EPOP: variants seen among roughly 807,000 people sequenced by gnomAD.
The protein encoded by EPOP is elongin BC and Polycomb repressive complex 2-associated protein.
Under a neutral mutation model 18.2 loss-of-function variants are expected in EPOP, and 14 were observed. That is an observed-to-expected ratio of 0.77 (90% CI 0.51 to 1.20). EPOP has a LOEUF of 1.20. Ranked by LOEUF, EPOP falls within the 50% of genes most tolerant of loss-of-function variation. EPOP has a pLI of 0.00. For missense variants in EPOP, 527 were observed against 577.2 expected (o/e 0.91, Z 0.89); for synonymous variants, 252 against 274.9 (o/e 0.92, Z 0.83).
rs1320031452 is a variant in EPOP at position 38,673,973 on chromosome 17, G to T, written c.523C>A (p.Pro175Thr). The change falls in exon 1 of 1, where the codon CCT becomes ACT. Residue 175 changes from proline to threonine, a missense_variant. By Grantham distance (38) the Pro-to-Thr change is conservative. Transcript: ENST00000621654. ...EPQRGPAASP[P>T]QEPSSRPPSP... ...GGAGGCCGGGAACTGGGTTCCTGAGGCGGGCTGGCGGCTGGGCCACGCTGA... is the reference window on the plus strand; with the variant it reads ...GGAGGCCGGGAACTGGGTTCCTGAGTCGGGCTGGCGGCTGGGCCACGCTGA... The T allele has an allele frequency of 1.1e-5, 15 of 1,398,858 alleles. No individual in the cohort carries two copies. Among genetic ancestry groups the T allele is most frequent in the Non-Finnish European group, 1.4e-5 (15 of 1,087,188 alleles). The allele number at this position is 1,398,858 out of a possible 1,614,324, so 86.7% of individuals were successfully genotyped here.
Position 38,674,036 on chromosome 17 carries a change from C to T in EPOP, c.460G>A (p.Ala154Thr), listed in dbSNP as rs1031633291. The T allele has an allele frequency of 7.2e-7, 1 of 1,385,082 alleles. No individual in the cohort carries two copies. Among genetic ancestry groups the T allele is most frequent in the Non-Finnish European group, 9.3e-7 (1 of 1,079,748 alleles). The allele number at this position is 1,385,082 out of a possible 1,614,324, so 85.8% of individuals were successfully genotyped here. A position where few individuals can be genotyped will look rare whatever the true frequency, so the allele number is the denominator to read the frequency against. ...PHPRESTTSF[A>T]SAPPRPAPGL... Reference sequence around the variant, plus strand: ...GGGGCCGGGCGAGGCGGGGCCGAGGCGAAGCTGGTCGTAGATTCCCGAGGG... The same window carrying T: ...GGGGCCGGGCGAGGCGGGGCCGAGGTGAAGCTGGTCGTAGATTCCCGAGGG... Residue 154 changes from alanine (A) to threonine (T), a missense_variant, in exon 1 of 1, where the codon GCC becomes ACC. Transcript: ENST00000621654. The surrounding 1 kb of genome is among the most constrained non-coding windows in gnomAD (Gnocchi z 4.5).
Position 38,673,807 on chromosome 17 carries a change from G to C in EPOP, c.689C>G (p.Ala230Gly), listed in dbSNP as rs1381520524. 2.0e-6 allele frequency: 3 copies of C among 1,511,152 alleles called. No individual in the cohort carries two copies. In the African/African-American group the frequency reaches 4.4e-5, roughly 22 times the overall value. The allele number at this position is 1,511,152 out of a possible 1,614,324, so 93.6% of individuals were successfully genotyped here. ...TCCGGGTGCGGCCGGAGCCGGGCTG[G>C]CCGTCGAGGGGCTGGCCGCTGGAGC... ...PEAPAASPST[A>G]SPAPAAPGDL... The change falls in exon 1 of 1, where the codon GCC becomes GGC. Residue 230 changes from alanine to glycine, a missense_variant. Physicochemically the swap from Ala to Gly is moderately conservative, Grantham distance 60 (BLOSUM62 0). Coordinates refer to ENST00000621654, the MANE Select transcript of EPOP (RefSeq NM_001130677.2).
At position 38,673,366 on chromosome 17, in the gene EPOP, T is replaced by C. The variant is rs1341843482; in HGVS notation, c.1130A>G (p.Asp377Gly). ...PGLKFWGINMDES is the reference protein window; with the variant it reads ...PGLKFWGINMGES ...GCAGAAGTCCCACGGTCAGCTTTCA[T>C]CCATGTTGATCCCCCAGAATTTGAG... The change falls in exon 1 of 1, where the codon GAT becomes GGT. Residue 377 changes from aspartate to glycine, a missense_variant. Coordinates refer to ENST00000621654, the MANE Select transcript of EPOP (RefSeq NM_001130677.2). 1.3e-6 allele frequency: 2 copies of C among 1,509,552 alleles called. No individual in the cohort carries two copies. The highest frequency in any genetic ancestry group is 1.8e-6 in the Non-Finnish European group (2 of 1,133,768). The allele number at this position is 1,509,552 out of a possible 1,614,324, so 93.5% of individuals were successfully genotyped here.
rs111357541 is a variant in EPOP, at chr17:38,673,137, T to A, written c.*219A>T. ...ATTGGAATCTATGTCATCAGCCTTC[T>A]CCCGACTCCAGCCCTGGGTTCCTCT... On this transcript the variant is annotated 3_prime_UTR_variant, in exon 1 of 1. Coordinates refer to ENST00000621654, the MANE Select transcript of EPOP (RefSeq NM_001130677.2). 3.2e-5 allele frequency: 22 copies of A among 695,340 alleles called. No homozygotes were observed. The highest frequency in any genetic ancestry group is 3.0e-4 in the African/African-American group (16 of 53,054). The allele number at this position is 695,340 out of a possible 1,614,324, so 43.1% of individuals were successfully genotyped here. A position where few individuals can be genotyped will look rare whatever the true frequency, so the allele number is the denominator to read the frequency against.
In EPOP at chr17:38,671,791, T is replaced by C. The variant is rs760804013; in HGVS notation, c.*1565A>G. 6.6e-6 allele frequency: 1 copy of C among 152,096 alleles called. No individual in the cohort carries two copies. Among genetic ancestry groups the C allele is most frequent in the Non-Finnish European group, 1.5e-5 (1 of 68,022 alleles). The allele number at this position is 152,096 out of a possible 1,614,324, so 9.4% of individuals were successfully genotyped here. On this transcript the variant is annotated 3_prime_UTR_variant, in exon 1 of 1. Coordinates refer to ENST00000621654, the MANE Select transcript of EPOP (RefSeq NM_001130677.2). ...AACAATAACAACTTTTTACAAAGCA[T>C]TTTCACAGAAAAGGAGACAAGTCCT...
In EPOP at chr17:38,673,853, G is replaced by T; in HGVS notation, c.643C>A (p.Pro215Thr). The change falls in exon 1 of 1, where the codon CCC becomes ACC. Residue 215 changes from proline (P) to threonine (T), a missense_variant. Physicochemically the swap from Pro to Thr is conservative, Grantham distance 38 (BLOSUM62 -1). Coordinates refer to ENST00000621654, the MANE Select transcript of EPOP (RefSeq NM_001130677.2). ...GGAGCCTCGGGGGCGGCCGGCGGGG[G>T]GTTTCCATCGACTTCGGCAGGCTGG... ...PGQPAEVDGN[P>T]PPAAPEAPAA... 2.0e-6 allele frequency: 3 copies of T among 1,474,062 alleles called. No homozygotes were observed. The highest frequency in any genetic ancestry group is 2.6e-5 in the South Asian group (2 of 75,610). The allele number at this position is 1,474,062 out of a possible 1,614,324, so 91.3% of individuals were successfully genotyped here. A position where few individuals can be genotyped will look rare whatever the true frequency, so the allele number is the denominator to read the frequency against.
In EPOP at chr17:38,674,707, G is replaced by A. The variant is rs1484230948; in HGVS notation, c.-212C>T. On this transcript the variant is annotated 5_prime_UTR_variant, in exon 1 of 1. Coordinates refer to ENST00000621654, the MANE Select transcript of EPOP (RefSeq NM_001130677.2). This position sits in a 1 kb window ranked among gnomAD's most constrained non-coding sequence, Gnocchi z 4.5. ...GGCCCTCCCGGCGGCCGGACTCCTG[G>A]GTCCCTGTGAGTCCCGGCGGGGTCG... is the stretch of plus-strand genomic sequence containing the variant. 4.6e-6 allele frequency: 2 copies of A among 433,814 alleles called. No individual in the cohort carries two copies. Among genetic ancestry groups the A allele is most frequent in the Non-Finnish European group, 7.9e-6 (2 of 252,192 alleles). 26.9% of individuals were successfully genotyped at this position (433,814 alleles called of 1,614,324 possible). A position where few individuals can be genotyped will look rare whatever the true frequency, so the allele number is the denominator to read the frequency against.
chr17:38,673,913 C>G lies in EPOP; in HGVS notation c.583G>C (p.Gly195Arg). ...AACGGCCGCGGCGCCGTCCCGGGAC[C>G]CGCGGGCTCGGTGGAGAGGCCCGCA... ...PPAGLSTEPA[G>R]PGTAPRPFLP... The change falls in exon 1 of 1, where the codon GGT (glycine) becomes CGT (arginine). Residue 195 changes from glycine (G) to arginine (R), a missense_variant. Transcript: ENST00000621654. The G allele has an allele frequency of 7.2e-7, 1 of 1,386,924 alleles. No individual in the cohort carries two copies. The highest frequency in any genetic ancestry group is 3.0e-5 in the East Asian group (1 of 32,904). 85.9% of individuals were successfully genotyped at this position (1,386,924 alleles called of 1,614,324 possible). A position where few individuals can be genotyped will look rare whatever the true frequency, so the allele number is the denominator to read the frequency against.
In EPOP at chr17:38,673,599, C is replaced by T; in HGVS notation, c.897G>A (p.Gln299=). The change falls in exon 1 of 1, where the codon CAG becomes CAA. Residue 299 remains glutamine (Q), a synonymous_variant. Coordinates refer to ENST00000621654, the MANE Select transcript of EPOP (RefSeq NM_001130677.2). ...RLPAPPPRTA[Q]PRRPAPTLPT... ...GGAGCGTCGGTGCAGGGCGGCGGGG[C>T]TGCGCGGTGCGCGGAGGGGGCGCCG... The T allele has an allele frequency of 6.7e-7, 1 of 1,489,690 alleles. No individual in the cohort carries two copies. The highest frequency in any genetic ancestry group is 8.9e-7 in the Non-Finnish European group (1 of 1,122,914). The allele number at this position is 1,489,690 out of a possible 1,614,324, so 92.3% of individuals were successfully genotyped here.
Position 38,673,180 on chromosome 17 carries a change from G to A in EPOP, c.*176C>T. 1 of 1,162,960 alleles carries A rather than the reference G, an allele frequency of 8.6e-7. No homozygotes were observed. Among genetic ancestry groups the A allele is most frequent in the Non-Finnish European group, 1.1e-6 (1 of 879,414 alleles). The allele number at this position is 1,162,960 out of a possible 1,614,324, so 72.0% of individuals were successfully genotyped here. ...GTTCCTCTGCAAAGGATGAGGGGGA[G>A]GGACTGTCACCCCGAAAACTTAGGT... On this transcript the variant is annotated 3_prime_UTR_variant, in exon 1 of 1. Coordinates refer to ENST00000621654, the MANE Select transcript of EPOP (RefSeq NM_001130677.2).
chr17:38,673,192 C>T lies in EPOP; in HGVS notation c.*164G>A, dbSNP rs978641632. 9 of 1,299,320 alleles carry T rather than the reference C, an allele frequency of 6.9e-6. No individual in the cohort carries two copies. The African/African-American group carries it at 1.4e-4, about 20-fold the overall frequency. 80.5% of individuals were successfully genotyped at this position (1,299,320 alleles called of 1,614,324 possible). ...AGGATGAGGGGGAGGGACTGTCACC[C>T]CGAAAACTTAGGTGCTTGAATGAAG... On this transcript the variant is annotated 3_prime_UTR_variant, in exon 1 of 1. Coordinates refer to ENST00000621654, the MANE Select transcript of EPOP (RefSeq NM_001130677.2).
rs1303381565 is a variant in EPOP at position 38,674,163 on chromosome 17, T to A, written c.333A>T (p.Ala111=). The change falls in exon 1 of 1, where the codon GCA becomes GCT. Residue 111 remains alanine, a synonymous_variant. Transcript: ENST00000621654. The surrounding 1 kb of genome is among the most constrained non-coding windows in gnomAD (Gnocchi z 4.5). The part of the protein sequence containing the change: ...NTAAGEDADV[A]ACPRRGEEEE... ...CCTCCTCTCCGCGGCGGGGGCACGC[T>A]GCGACGTCCGCATCCTCGCCGGCGG... The A allele has an allele frequency of 7.0e-7, 1 of 1,428,964 alleles. No homozygotes were observed. The highest frequency in any genetic ancestry group is 3.1e-5 in the Admixed American group (1 of 32,072). The allele number at this position is 1,428,964 out of a possible 1,614,324, so 88.5% of individuals were successfully genotyped here.
Position 38,673,211 on chromosome 17 carries a change from A to C in EPOP, c.*145T>G. On this transcript the variant is annotated 3_prime_UTR_variant, in exon 1 of 1. Transcript: ENST00000621654. ...GTCACCCCGAAAACTTAGGTGCTTG[A>C]ATGAAGATCACTGTTATTTAGGTCC... The C allele has an allele frequency of 7.4e-7, 1 of 1,357,806 alleles. No homozygotes were observed. Among genetic ancestry groups the C allele is most frequent in the Non-Finnish European group, 9.5e-7 (1 of 1,048,708 alleles). 84.1% of individuals were successfully genotyped at this position (1,357,806 alleles called of 1,614,324 possible).
At position 38,673,110 on chromosome 17, in the gene EPOP, G is replaced by C; in HGVS notation, c.*246C>G. 3.8e-6 allele frequency: 2 copies of C among 531,344 alleles called. No individual in the cohort carries two copies. The highest frequency in any genetic ancestry group is 7.2e-5 in the East Asian group (2 of 27,810). The allele number at this position is 531,344 out of a possible 1,614,324, so 32.9% of individuals were successfully genotyped here. ...AACGGTCCGAGATGGAAGGAGGCAG[G>C]GATTGGAATCTATGTCATCAGCCTT... On this transcript the variant is annotated 3_prime_UTR_variant, in exon 1 of 1. Transcript: ENST00000621654.
Position 38,672,311 on chromosome 17 carries a change from C to T in EPOP, c.*1045G>A, listed in dbSNP as rs1342881792. ...GGCCAAGAGTCCTTTCATTTACCAC[C>T]TCTGCAAAGTGCAGCTTGTTTTGTT... On this transcript the variant is annotated 3_prime_UTR_variant, in exon 1 of 1. Transcript: ENST00000621654. 1 of 152,220 alleles carries T rather than the reference C, an allele frequency of 6.6e-6. No homozygotes were observed. The highest frequency in any genetic ancestry group is 2.4e-5 in the African/African-American group (1 of 41,452). 9.4% of individuals were successfully genotyped at this position (152,220 alleles called of 1,614,324 possible).
In EPOP at chr17:38,674,382, C is replaced by G. The variant is rs552572187; in HGVS notation, c.114G>C (p.Leu38=). 297 of 1,543,770 alleles carry G rather than the reference C, an allele frequency of 1.9e-4. No homozygotes were observed. Among genetic ancestry groups the G allele is most frequent in the Admixed American group, 9.4e-4 (48 of 50,950 alleles). Residue 38 remains leucine (L), a synonymous_variant, in exon 1 of 1, where the codon CTG becomes CTC. Transcript: ENST00000621654. This position sits in a 1 kb window ranked among gnomAD's most constrained non-coding sequence, Gnocchi z 4.5. ...CGCAGAAGGCGAGGGCACGCAGGCA[C>G]AGCGGAGAGAATTCCTGGGTCCCCC... ...PCRGTQEFSP[L]CLRALAFCAL... is the part of the protein sequence containing the mutation.
At position 38,674,129 on chromosome 17, in the gene EPOP, C is replaced by G; in HGVS notation, c.367G>C (p.Gly123Arg). Residue 123 changes from glycine to arginine, a missense_variant, in exon 1 of 1, where the codon GGA (glycine) becomes CGA (arginine). By Grantham distance (125) the Gly-to-Arg change is moderately radical. Transcript: ENST00000621654. The surrounding 1 kb of genome is among the most constrained non-coding windows in gnomAD (Gnocchi z 4.5). ...ACGCCGAAGTGCGGGAAACCGCCTC[C>G]GCCCTCTTCCTCCTCTCCGCGGCGG... ...CPRRGEEEEG[G>R]GGFPHFGVRS... The G allele has an allele frequency of 6.9e-7, 1 of 1,454,306 alleles. No individual in the cohort carries two copies. Among genetic ancestry groups the G allele is most frequent in the South Asian group, 1.4e-5 (1 of 72,776 alleles). The allele number at this position is 1,454,306 out of a possible 1,614,324, so 90.1% of individuals were successfully genotyped here.
Position 38,672,972 on chromosome 17 carries a change from A to C in EPOP, c.*384T>G. 1 of 179,068 alleles carries C rather than the reference A, an allele frequency of 5.6e-6. No homozygotes were observed. Among genetic ancestry groups the C allele is most frequent in the Non-Finnish European group, 1.2e-5 (1 of 86,190 alleles). The allele number at this position is 179,068 out of a possible 1,614,324, so 11.1% of individuals were successfully genotyped here. A position where few individuals can be genotyped will look rare whatever the true frequency, so the allele number is the denominator to read the frequency against. On this transcript the variant is annotated 3_prime_UTR_variant, in exon 1 of 1. Coordinates refer to ENST00000621654, the MANE Select transcript of EPOP (RefSeq NM_001130677.2). ...CCCAGGCTCGCCCACAGACACAGTA[A>C]CAACCGGTTTGTCCATCACCGAGGT...
rs760205814 is a variant in EPOP, at chr17:38,674,244, C to A, written c.252G>T (p.Pro84=). 61 of 1,432,172 alleles carry A rather than the reference C, an allele frequency of 4.3e-5. 1 individual carries two copies. In the Admixed American group the frequency reaches 1.0e-3, roughly 23 times the overall value. The allele number at this position is 1,432,172 out of a possible 1,614,324, so 88.7% of individuals were successfully genotyped here. The change falls in exon 1 of 1, where the codon CCG becomes CCT. Residue 84 remains proline, a synonymous_variant. Transcript: ENST00000621654. The surrounding 1 kb of genome is among the most constrained non-coding windows in gnomAD (Gnocchi z 4.5). ...GTGCCCAGAGGTGCTTCAGGCCATCCGGGGCCCAGCCGCCAGGGCGCAGGG... is the reference window on the plus strand; with the variant it reads ...GTGCCCAGAGGTGCTTCAGGCCATCAGGGGCCCAGCCGCCAGGGCGCAGGG... The part of the protein sequence containing the change: ...QAPLRPGGWA[P]DGLKHLWAPT...
Sources: gnomAD v4.1 joint callset for allele counts on GRCh38, gnomAD v4.1.1 for gene constraint, Gnocchi (gnomAD v3.1) non-coding constraint, MANE v1.5 for transcripts, NCBI Gene and HGNC (gene_info 2026-07-23, HGNC 2026-07-21) for gene names.